The following SLC29A3 variants were observed in gnomAD, a reference collection of about 807,000 sequenced individuals.
The protein encoded by SLC29A3 is solute carrier family 29 member 3.
In SLC29A3, 18 loss-of-function variants were observed where a neutral mutation model predicts 25.4. That is an observed-to-expected ratio of 0.71 (90% CI 0.49 to 1.05). The LOEUF (loss-of-function observed/expected upper bound fraction) is 1.05. SLC29A3 is among the 50% of genes least tolerant of loss of function. The probability of loss-of-function intolerance (pLI) is 0.00; values close to 1 mark genes in which losing one functional copy is unlikely to be tolerated. For missense variants in SLC29A3, 586 were observed against 609.0 expected, an observed-to-expected ratio of 0.96 and a Z score of 0.40; for synonymous variants, 258 against 267.1, an observed-to-expected ratio of 0.97 and a Z score of 0.33.
chr10:71,361,819 G>A (rs1193061034), intron 5 of SLC29A3, 135 bp from the exon 6 acceptor site: 1 of 1,010,470 alleles, frequency 9.9e-7, no homozygotes. Flanking sequence ...CTCAGGGAAC[G>A]CTGGAGCTGT....
chr10:71,361,852 C>G (rs1589243893), intron 5 of SLC29A3, 102 bp from the exon 6 acceptor site: 2 of 1,407,408 alleles, frequency 1.4e-6, no homozygotes, highest in East Asian at 2.3e-5. Flanking sequence ...CTTGGGCTCT[C>G]CATGCTGGGC....
intron 2 of SLC29A3, among the ~76,000 whole-genome samples, chr10:71,328,461 C>T (rs1315159035): frequency 6.6e-6 from 1 of 152,188 alleles, no homozygotes; most frequent in East Asian, 1.9e-4. Context: ...CAGCACTTTG[C>T]CTGCATTATC....
At chr10:71,359,749 C>A (rs1484348621) in intron 5 of SLC29A3, among the ~76,000 whole-genome samples, 1 of 152,170 alleles carries the variant, frequency 6.6e-6, no homozygotes, top group Non-Finnish European at 1.5e-5. Flanking sequence ...GTGCCTGGCC[C>A]AAGATCACAC....
chr10:71,355,094 T>C (rs1352142507), intron 4 of SLC29A3, among the ~76,000 whole-genome samples: 1 of 152,216 alleles, frequency 6.6e-6, no homozygotes, highest in Non-Finnish European at 1.5e-5. Flanking sequence ...TGTTGAAGTC[T>C]ACTGTGTGCC....
intron 2 of SLC29A3, among the ~76,000 whole-genome samples, chr10:71,335,440 G>A (rs1257762019): frequency 6.6e-6 from 1 of 152,204 alleles, no homozygotes; most frequent in Non-Finnish European, 1.5e-5. Flanking sequence ...AAGGAGGAGG[G>A]GCGTGGCAGT....
chr10:71,319,338 C>T (rs2131789369), intron 1 of SLC29A3, 28 bp downstream of exon 1: 1 of 640,642 alleles, frequency 1.6e-6, no homozygotes, highest in Middle Eastern at 3.9e-4. Flanking sequence ...CGGGCTCTTC[C>T]GGCTACGGTC....
intron 1 of SLC29A3, among the ~76,000 whole-genome samples, chr10:71,322,299 G>C (rs1845863965): frequency 6.6e-6 from 1 of 152,102 alleles, no homozygotes; most frequent in Non-Finnish European, 1.5e-5. Flanking sequence ...ACACCATCCT[G>C]CTCCTTATTT....
chr10:71,379,074 T>A (rs1356689157), intron 4 of SLC29A3, among the ~76,000 whole-genome samples: 1 of 152,164 alleles, frequency 6.6e-6, no homozygotes, highest in Non-Finnish European at 1.5e-5. Context: ...AATGCCTCAG[T>A]TGAGAGGGAG....
At chr10:71,320,878 C>T (rs10999769) in intron 1 of SLC29A3, among the ~76,000 whole-genome samples, 24,400 of 152,178 alleles carry the variant, frequency 0.16, 3,305 homozygotes, top group African/African-American at 0.37. Flanking sequence ...TTGGAACCAG[C>T]AGACACAGAT....
intron 4 of SLC29A3, among the ~76,000 whole-genome samples, chr10:71,355,612 T>A (rs1462868353): frequency 6.6e-6 from 1 of 152,128 alleles, no homozygotes. Flanking sequence ...GGGGACCCTA[T>A]GTGAGGACAG....
In SLC29A3 at chr10:71,355,255, C is replaced by T. The variant is rs565021721; in HGVS notation, c.611-826C>T. 8.5e-5 allele frequency among the ~76,000 whole-genome samples: 13 copies of T among 152,320 alleles called. 1 individual carries two copies. In the South Asian group the frequency reaches 2.5e-3, roughly 29 times the overall value. On this transcript the variant is annotated intron_variant, in intron 4 of 5. Transcript: ENST00000373189. ...GCAAGTAGCAGAGTCCAGGGTGACA[C>T]GTCCATCCGCCTGACTCCTAGCCCC... is the stretch of plus-strand genomic sequence containing the variant.
intron 3 of SLC29A3, among the ~76,000 whole-genome samples, chr10:71,373,618 C>A (rs1847228164): frequency 6.6e-6 from 1 of 152,228 alleles, no homozygotes; most frequent in Non-Finnish European, 1.5e-5. Context: ...CAGATATTAG[C>A]TCTTATTATT....
In SLC29A3 at chr10:71,327,223, A is replaced by G. The variant is rs556213184; in HGVS notation, c.300+4169A>G. On this transcript the variant is annotated intron_variant, in intron 2 of 5. Transcript: ENST00000373189. ...GTTTACCCAGACACCCTCTCCCCCAAATTATGTCACTTTCAAGGTCAGCGG... is the reference window on the plus strand; with the variant it reads ...GTTTACCCAGACACCCTCTCCCCCAGATTATGTCACTTTCAAGGTCAGCGG... Among the ~76,000 whole-genome samples, 124 of 152,242 alleles carry G rather than the reference A, an allele frequency of 8.1e-4. 1 individual carries two copies. The highest frequency in any genetic ancestry group is 2.9e-3 in the African/African-American group (121 of 41,542).
chr10:71,378,763 T>G (rs774219566), intron 4 of SLC29A3, among the ~76,000 whole-genome samples: 7 of 152,242 alleles, frequency 4.6e-5, no homozygotes, highest in Admixed American at 1.3e-4. Flanking sequence ...CAGAGCTCCC[T>G]TATGGGCTTG....
At chr10:71,373,574 T>C (rs1455520329) in intron 3 of SLC29A3, among the ~76,000 whole-genome samples, 1 of 152,240 alleles carries the variant, frequency 6.6e-6, no homozygotes, top group African/African-American at 2.4e-5. Flanking sequence ...ATTCTGATCC[T>C]GTCAGAGTGC....
rs1564525265 is a variant in SLC29A3 at position 71,323,027 on chromosome 10, G to C, written c.273G>C (p.Gly91=). 2 of 1,613,662 alleles carry C rather than the reference G, an allele frequency of 1.2e-6. No individual in the cohort carries two copies. The highest frequency in any genetic ancestry group is 3.3e-5 in the Admixed American group (2 of 60,034). ...KLRNSSSPAT[G]EDPEGSDILN... ...GCAACTCCTCCAGCCCAGCCACCGG[G>C]GAGGACCCTGAGGGCTCAGACATCC... The change falls in exon 2 of 6, where the codon GGG becomes GGC. Residue 91 remains glycine, a synonymous_variant. Coordinates refer to ENST00000373189, the MANE Select transcript of SLC29A3 (RefSeq NM_018344.6).
At position 71,379,603 on chromosome 10, in the gene SLC29A3, G is replaced by A. The variant is rs866928916; in HGVS notation, c.*212-163G>A. ...AATAGGCTCTTTGTTCTTCTCTTCTGTTTCCTTCAGCCCTCTCTGTCTATA... is the reference window on the plus strand; with the variant it reads ...AATAGGCTCTTTGTTCTTCTCTTCTATTTCCTTCAGCCCTCTCTGTCTATA... On this transcript the variant is annotated intron_variant and NMD_transcript_variant, in intron 4 of 4. Transcript: ENST00000642772. Among the ~76,000 whole-genome samples, 19 of 152,274 alleles carry A rather than the reference G, an allele frequency of 1.2e-4. 1 individual carries two copies. The highest frequency in any genetic ancestry group is 8.3e-4 in the South Asian group (4 of 4,826).
chr10:71,338,220 C>T (rs1239900571), intron 2 of SLC29A3, among the ~76,000 whole-genome samples: 1 of 152,256 alleles, frequency 6.6e-6, no homozygotes, highest in Non-Finnish European at 1.5e-5. Context: ...CTGCCCCATG[C>T]TGCCCACCCA....
chr10:71,342,646 C>G (rs933792743), intron 2 of SLC29A3, among the ~76,000 whole-genome samples: 1 of 152,222 alleles, frequency 6.6e-6, no homozygotes, highest in Non-Finnish European at 1.5e-5. Context: ...ATCTGCAGCC[C>G]TCTCCTCCTA....
Sources: allele counts gnomAD v4.1 joint callset (sites outside exome capture counted in the v4.1 genomes callset), GRCh38; gene constraint gnomAD v4.1.1; transcripts MANE v1.5; gene names NCBI Gene and HGNC (gene_info 2026-07-23, HGNC 2026-07-21).